Variants in PKP1 observed in about 807,000 individuals in gnomAD.
PKP1 encodes plakophilin-1.
Under a neutral mutation model 76.4 loss-of-function variants are expected in PKP1, and 27 were observed. The ratio of observed to expected loss-of-function variants is 0.35; its 90% confidence interval spans 0.26 to 0.49. The LOEUF (loss-of-function observed/expected upper bound fraction) is 0.49, where lower values mean the gene tolerates loss of function less well. PKP1 is among the 20% of genes least tolerant of loss of function. PKP1 has a pLI of 0.99. For synonymous variants in PKP1, 404 were observed against 384.2 expected (o/e 1.05, Z -0.60); for missense variants, 964 against 955.2 (o/e 1.01, Z -0.12).
At chr1:201,291,957 G>T (rs533425613) in intron 1 of PKP1, among the ~76,000 whole-genome samples, 2 of 152,350 alleles carry the variant, frequency 1.3e-5, no homozygotes, top group Admixed American at 6.5e-5. Context: ...AGGAGCGGTT[G>T]CTGGAGAAAG....
chr1:201,324,370 C>A (rs1170430484), intron 9 of PKP1, 58 bp from the exon 10 acceptor site: 89 of 1,553,316 alleles, frequency 5.7e-5, no homozygotes, highest in Non-Finnish European at 7.5e-5. Context: ...CCCCTTTCTG[C>A]CTGCCATGGT....
At chr1:201,294,094 G>A in intron 2 of PKP1, 49 bp downstream of exon 2, 1 of 1,306,094 alleles carries the variant, frequency 7.7e-7, no homozygotes, top group South Asian at 1.2e-5. Flanking sequence ...TGTGGGGATG[G>A]TTTGAGGTTT....
chr1:201,324,438 G>T lies in PKP1; in HGVS notation c.1691G>T (p.Gly564Val). 1 of 1,614,154 alleles carries T rather than the reference G, an allele frequency of 6.2e-7. No homozygotes were observed. Among genetic ancestry groups the T allele is most frequent in the East Asian group, 2.2e-5 (1 of 44,872 alleles). ...LTASKGLMSS[G>V]MSQLIGLKEK... Reference sequence around the variant, plus strand: ...CTCCTTCTCTCTTAGATGTCCAGTGGCATGAGCCAGTTGATTGGGCTGAAG... The same window carrying T: ...CTCCTTCTCTCTTAGATGTCCAGTGTCATGAGCCAGTTGATTGGGCTGAAG... The change falls in exon 10 of 14, where the codon GGC becomes GTC. Residue 564 changes from glycine to valine, a missense_variant. Gly to Val is a moderately radical substitution (Grantham distance 109). Coordinates refer to ENST00000367324, the MANE Select transcript of PKP1 (RefSeq NM_001005337.3).
intron 1 of PKP1, among the ~76,000 whole-genome samples, chr1:201,286,014 C>T (rs765684422): frequency 2.0e-5 from 3 of 152,236 alleles, no homozygotes; most frequent in Non-Finnish European, 4.4e-5. Flanking sequence ...GCGGTTTGGT[C>T]ACTTGGAGCT....
intron 2 of PKP1, among the ~76,000 whole-genome samples, chr1:201,305,469 A>G (rs1008086519): frequency 6.6e-6 from 1 of 152,210 alleles, no homozygotes; most frequent in Non-Finnish European, 1.5e-5. Context: ...GTGAGCCATG[A>G]TGGCAGCACT....
At chr1:201,316,145 C>CGGACGGACGTACGGAT (rs1558191677) in intron 3 of PKP1, 1 of 115,330 alleles carries the variant, frequency 8.7e-6, no homozygotes, top group African/African-American at 5.6e-5. Flanking sequence ...GACGGATGGA[C>CGGACGGACGTACGGAT]GGACGGATGG....
At chr1:201,314,588 A>G (rs1722764) in intron 3 of PKP1, among the ~76,000 whole-genome samples, 120,990 of 152,234 alleles carry the variant, frequency 0.79, 48,106 homozygotes, top group South Asian at 0.88. Context: ...CACCCAGAGG[A>G]AACAAAGGAG....
chr1:201,315,125 CT>C (rs1003013497), intron 3 of PKP1, among the ~76,000 whole-genome samples: 3 of 152,244 alleles, frequency 2.0e-5, no homozygotes, highest in Admixed American at 1.3e-4. Context: ...AGAAACCTCT[CT>C]GTCTTGGAGG....
At chr1:201,305,800 G>A (rs990473601) in intron 2 of PKP1, among the ~76,000 whole-genome samples, 10 of 152,168 alleles carry the variant, frequency 6.6e-5, no homozygotes, top group Non-Finnish European at 1.3e-4. Context: ...GTGCTGGCTC[G>A]TCATCCAGGA....
At chr1:201,311,134 GC>G (rs1656538650) in intron 2 of PKP1, among the ~76,000 whole-genome samples, 2 of 152,202 alleles carry the variant, frequency 1.3e-5, no homozygotes, top group African/African-American at 4.8e-5. Flanking sequence ...CTGGCTCTTT[GC>G]CCTTTGGCAA....
rs1410451489 is a variant in PKP1, at chr1:201,323,197, G to T, written c.1680+8G>T. Reference sequence around the variant, plus strand: ...ACAGCCAGCAAGGGGCTGGTGAGTGGGACTGTACCTTCTCTACTGCAGCAG... The same window carrying T: ...ACAGCCAGCAAGGGGCTGGTGAGTGTGACTGTACCTTCTCTACTGCAGCAG... On this transcript the variant is annotated splice_region_variant and intron_variant, in intron 9 of 13. Coordinates refer to ENST00000367324, the MANE Select transcript of PKP1 (RefSeq NM_001005337.3). The T allele has an allele frequency of 6.2e-7, 1 of 1,612,978 alleles. No individual in the cohort carries two copies. Among genetic ancestry groups the T allele is most frequent in the Admixed American group, 1.7e-5 (1 of 60,008 alleles).
chr1:201,291,599 C>G (rs371015676), intron 1 of PKP1, among the ~76,000 whole-genome samples: 4 of 152,214 alleles, frequency 2.6e-5, no homozygotes, highest in Admixed American at 2.0e-4. Context: ...GCAAGCCCCC[C>G]GGGGCTGCTT....
In PKP1 at chr1:201,294,423, C is replaced by T. The variant is rs77507073; in HGVS notation, c.306+378C>T. Among the ~76,000 whole-genome samples the T allele has an allele frequency of 3.9e-4, 60 of 152,270 alleles. 1 individual carries two copies. The East Asian group carries it at 0.01, about 26-fold the overall frequency. On this transcript the variant is annotated intron_variant, in intron 2 of 13. Transcript: ENST00000367324. ...AAAATCCTAAAGGGTCATCTCTGTT[C>T]GTTCTGTGCCTATGGTCAAAGAGCC...
intron 11 of PKP1, 129 bp from the exon 12 acceptor site, chr1:201,325,625 G>A (rs1239213746): frequency 2.7e-6 from 2 of 743,354 alleles, no homozygotes; most frequent in East Asian, 5.4e-5. Flanking sequence ...CCTCTCTTTT[G>A]CACACCTGAG....
intron 3 of PKP1, among the ~76,000 whole-genome samples, chr1:201,314,387 G>A (rs907579850): frequency 2.0e-5 from 3 of 152,180 alleles, no homozygotes; most frequent in African/African-American, 4.8e-5. Flanking sequence ...ACTTAAGCCC[G>A]GGAGGGGGAG....
In PKP1 at chr1:201,332,878, GT is replaced by G. The variant is rs1288612076; in HGVS notation, c.*2840del. 6.6e-6 allele frequency: 1 copy of G among 152,234 alleles called. No homozygotes were observed. The highest frequency in any genetic ancestry group is 1.9e-4 in the East Asian group (1 of 5,202). The allele number at this position is 152,234 out of a possible 1,614,324, so 9.4% of individuals were successfully genotyped here. ...GTAGCCCACCTTCCCCTTGCTTCAT[GT>G]TTGTAGAGGAACCTTGTGCCGGCCA... On this transcript the variant is annotated 3_prime_UTR_variant, in exon 14 of 14. Coordinates refer to ENST00000367324, the MANE Select transcript of PKP1 (RefSeq NM_001005337.3).
At chr1:201,328,001 C>T (rs918668556) in intron 12 of PKP1, among the ~76,000 whole-genome samples, 37 of 152,172 alleles carry the variant, frequency 2.4e-4, no homozygotes, top group African/African-American at 8.2e-4. Context: ...GGCAGGGCTT[C>T]GAACCGGCTG....
At chr1:201,320,206 C>T in intron 6 of PKP1, 61 bp from the exon 7 acceptor site, 1 of 1,070,448 alleles carries the variant, frequency 9.3e-7, no homozygotes, top group South Asian at 1.3e-5. Flanking sequence ...CTCTTGTCCC[C>T]ACCTTCCCCG....
intron 2 of PKP1, among the ~76,000 whole-genome samples, chr1:201,296,766 C>A (rs1021779312): frequency 2.0e-5 from 3 of 152,272 alleles, no homozygotes; most frequent in African/African-American, 7.2e-5. Context: ...TTTCTAGAAC[C>A]CCTAAAAGTT....
Sources: allele counts gnomAD v4.1 joint callset (sites outside exome capture counted in the v4.1 genomes callset), GRCh38; gene constraint gnomAD v4.1.1; transcripts MANE v1.5; gene names NCBI Gene and HGNC (gene_info 2026-07-23, HGNC 2026-07-21).